TAFA2: variants seen among roughly 807,000 people sequenced by gnomAD.
The protein encoded by TAFA2 is chemokine-like protein TAFA-2.
In TAFA2, 7 loss-of-function variants were observed where a neutral mutation model predicts 18.8. That is an observed-to-expected ratio of 0.37 (90% CI 0.21 to 0.70). The LOEUF (loss-of-function observed/expected upper bound fraction) is 0.70, where lower values mean the gene tolerates loss of function less well. Among genes scored for constraint, TAFA2 ranks in the 30% least tolerant of loss-of-function variants. The pLI is 0.53. For synonymous variants in TAFA2, 60 were observed against 54.2 expected (o/e 1.11, Z -0.47); for missense variants, 122 against 158.1 (o/e 0.77, Z 1.23).
chr12:61,894,594 A>T lies in TAFA2; in HGVS notation c.-1-27168T>A, dbSNP rs145231322. On this transcript the variant is annotated intron_variant, in intron 1 of 4. Coordinates refer to ENST00000416284, the MANE Select transcript of TAFA2 (RefSeq NM_178539.5). ...TCTCAGTGTCATGCAGTCATCTGTCACTTAACCTGAAGTCCTGGTGATATT... is the reference window on the plus strand; with the variant it reads ...TCTCAGTGTCATGCAGTCATCTGTCTCTTAACCTGAAGTCCTGGTGATATT... Among the ~76,000 whole-genome samples, 12 of 152,332 alleles carry T rather than the reference A, an allele frequency of 7.9e-5. No individual in the cohort carries two copies. In the East Asian group the frequency reaches 2.3e-3, roughly 29 times the overall value.
chr12:62,141,751 G>A (rs774924817), intron 1 of TAFA2, among the ~76,000 whole-genome samples: 7 of 152,154 alleles, frequency 4.6e-5, no homozygotes, highest in Non-Finnish European at 8.8e-5. Context: ...AGGGGGAGCT[G>A]AATGACTATT....
chr12:61,741,013 A>G (rs1180571356), intron 4 of TAFA2, among the ~76,000 whole-genome samples: 1 of 152,050 alleles, frequency 6.6e-6, no homozygotes, highest in African/African-American at 2.4e-5. Context: ...TTAATTTGGC[A>G]ATTTGAGTTT....
rs570676065 is a variant in TAFA2 at position 61,813,248 on chromosome 12, CAGT to C, written c.106+54069_106+54071del. ...CTTTAATTTGCACTCCTTGGATTATCAGTAGTAAGTTGAGCTTTTTCCATACTT... is the reference window on the plus strand; with the variant it reads ...CTTTAATTTGCACTCCTTGGATTATCAGTAAGTTGAGCTTTTTCCATACTT... On this transcript the variant is annotated intron_variant, in intron 2 of 4. Coordinates refer to ENST00000416284, the MANE Select transcript of TAFA2 (RefSeq NM_178539.5). 3.8e-4 allele frequency among the ~76,000 whole-genome samples: 57 copies of C among 151,484 alleles called. 4 individuals are homozygous for C. The highest frequency in any genetic ancestry group is 1.4e-3 in the African/African-American group (56 of 40,818).
At chr12:61,788,881 T>A (rs1459262682) in intron 2 of TAFA2, among the ~76,000 whole-genome samples, 1 of 151,866 alleles carries the variant, frequency 6.6e-6, no homozygotes, top group Non-Finnish European at 1.5e-5. Flanking sequence ...GTAAAATAAC[T>A]GAATCTATCA....
chr12:61,783,061 T>G (rs567364577), intron 2 of TAFA2, among the ~76,000 whole-genome samples: 1 of 151,702 alleles, frequency 6.6e-6, no homozygotes, highest in Admixed American at 6.6e-5. Context: ...CTTTACATAC[T>G]TAGTTTTCAA....
chr12:61,713,428 T>C (rs1263455283), intron 4 of TAFA2, among the ~76,000 whole-genome samples: 1 of 152,170 alleles, frequency 6.6e-6, no homozygotes, highest in Non-Finnish European at 1.5e-5. Flanking sequence ...GCTAAAGTTT[T>C]TCTTTGAACA....
rs774006705 is a variant in TAFA2, at chr12:61,893,811, C to T, written c.-1-26385G>A. ...ATATTCAAAATTAGTTGTTTCAAGA[C>T]ATTTTGATAGCTAAATGAATGTTAG... On this transcript the variant is annotated intron_variant, in intron 1 of 4. Transcript: ENST00000416284. Among the ~76,000 whole-genome samples the T allele has an allele frequency of 3.3e-5, 5 of 152,160 alleles. No individual in the cohort carries two copies. The South Asian group carries it at 6.2e-4, about 19-fold the overall frequency.
chr12:62,162,416 CTG>C (rs1491254266), intron 1 of TAFA2, among the ~76,000 whole-genome samples: 1 of 152,220 alleles, frequency 6.6e-6, no homozygotes, highest in Admixed American at 6.5e-5. Context: ...TATCTTGAAA[CTG>C]TGTATATAGT....
chr12:61,793,266 T>C (rs1871057238), intron 2 of TAFA2, among the ~76,000 whole-genome samples: 1 of 151,400 alleles, frequency 6.6e-6, no homozygotes, highest in African/African-American at 2.4e-5. Flanking sequence ...AGAATTAAAG[T>C]TGGTGAACTA....
chr12:62,001,554 G>T (rs532696349), intron 1 of TAFA2, among the ~76,000 whole-genome samples: 1 of 152,186 alleles, frequency 6.6e-6, no homozygotes, highest in South Asian at 2.1e-4. Context: ...CACATGCGCA[G>T]ATCACAGTAG....
intron 2 of TAFA2, among the ~76,000 whole-genome samples, chr12:61,836,449 T>A (rs1872922768): frequency 6.6e-6 from 1 of 151,834 alleles, no homozygotes; most frequent in Admixed American, 6.6e-5. Flanking sequence ...AGGGCCCATC[T>A]CAGACAAAAG....
At chr12:62,111,651 C>A (rs996903100) in intron 1 of TAFA2, among the ~76,000 whole-genome samples, 1 of 152,136 alleles carries the variant, frequency 6.6e-6, no homozygotes. Flanking sequence ...TAAGAACTTG[C>A]TGTATGAATC....
chr12:62,061,030 G>A (rs1270029403), intron 1 of TAFA2, among the ~76,000 whole-genome samples: 1 of 146,834 alleles, frequency 6.8e-6, no homozygotes, highest in African/African-American at 2.5e-5. Flanking sequence ...AAAAAAAAAA[G>A]CCTATAAAGT....
At chr12:61,891,538 C>A (rs11174221) in intron 1 of TAFA2, among the ~76,000 whole-genome samples, 82,478 of 151,786 alleles carry the variant, frequency 0.54, 23,704 homozygotes, top group African/African-American at 0.73. Flanking sequence ...ATCCCAGCTA[C>A]TAGGGAGGCT....
At chr12:62,071,102 G>A (rs762716420) in intron 1 of TAFA2, among the ~76,000 whole-genome samples, 1 of 152,216 alleles carries the variant, frequency 6.6e-6, no homozygotes, top group Non-Finnish European at 1.5e-5. Context: ...TGTGAATACA[G>A]TGATGAAGAG....
chr12:61,716,399 A>G (rs1046668817), intron 4 of TAFA2, among the ~76,000 whole-genome samples: 1 of 152,174 alleles, frequency 6.6e-6, no homozygotes, highest in Admixed American at 6.5e-5. Flanking sequence ...AAAAAAATGC[A>G]GATTTGCAAA....
chr12:61,778,011 G>A (rs564913458), intron 2 of TAFA2, among the ~76,000 whole-genome samples: 1 of 151,404 alleles, frequency 6.6e-6, no homozygotes, highest in South Asian at 2.1e-4. Context: ...CATTCTTTAG[G>A]GTCAAATAGA....
intron 1 of TAFA2, among the ~76,000 whole-genome samples, chr12:62,001,583 A>C (rs1291200578): frequency 1.3e-5 from 2 of 151,916 alleles, no homozygotes; most frequent in Non-Finnish European, 2.9e-5. Context: ...CTCCTATGAG[A>C]ATCTAATGCT....
intron 1 of TAFA2, among the ~76,000 whole-genome samples, chr12:61,905,039 C>T (rs987905236): frequency 6.6e-6 from 1 of 152,134 alleles, no homozygotes; most frequent in African/African-American, 2.4e-5. Context: ...ACCTACTGGA[C>T]ATTCAAAAGG....
Sources: gnomAD v4.1 joint callset for allele counts (sites outside exome capture counted in the v4.1 genomes callset) on GRCh38, gnomAD v4.1.1 for gene constraint, MANE v1.5 for transcripts, NCBI Gene and HGNC (gene_info 2026-07-23, HGNC 2026-07-21) for gene names.